Variants in CPSF2 observed in about 807,000 individuals in gnomAD.
CPSF2 encodes the protein cleavage and polyadenylation specific factor 2, also known as cleavage and polyadenylation specificity factor subunit 2.
A neutral mutation model predicts 84.2 loss-of-function variants in CPSF2; 51 were observed. The ratio of observed to expected loss-of-function variants is 0.61; its 90% CI spans 0.48 to 0.77. CPSF2 has a LOEUF of 0.77. Ranked by LOEUF, CPSF2 falls within the 30% of genes least tolerant of loss-of-function variation. The pLI is 0.00. For missense variants in CPSF2, 641 were observed against 929.4 expected (o/e 0.69, Z 4.03); for synonymous variants, 286 against 311.9 (o/e 0.92, Z 0.87).
intron 15 of CPSF2, 39 bp downstream of exon 15, chr14:92,161,285 C>A (rs755425050): frequency 1.3e-6 from 2 of 1,546,260 alleles, no homozygotes; most frequent in African/African-American, 1.4e-5. Context: ...TGAACACATA[C>A]GTCTGATGTT....
At chr14:92,133,272 A>C (rs2068957160) in intron 3 of CPSF2, among the ~76,000 whole-genome samples, 1 of 151,242 alleles carries the variant, frequency 6.6e-6, no homozygotes, top group African/African-American at 2.4e-5. Flanking sequence ...ATACAAAATA[A>C]GCTGGGAGTG....
intron 6 of CPSF2, among the ~76,000 whole-genome samples, chr14:92,137,311 G>A (rs1311400631): frequency 1.3e-5 from 2 of 152,116 alleles, no homozygotes; most frequent in Non-Finnish European, 2.9e-5. Context: ...CCAGCTTCAA[G>A]CAATCTTCCC....
In CPSF2 at chr14:92,142,965, T is replaced by C. The variant is rs771510862; in HGVS notation, c.850-39T>C. ...TAGAGAATATATTGAAGTTATAATA[T>C]AGTATTTCTAATTCTTGTCATCTTT... On this transcript the variant is annotated intron_variant, in intron 8 of 15. Coordinates refer to ENST00000298875, the MANE Select transcript of CPSF2 (RefSeq NM_017437.3). 7 of 1,479,392 alleles carry C rather than the reference T, an allele frequency of 4.7e-6. No individual in the cohort carries two copies. In the Admixed American group the frequency reaches 5.8e-5, roughly 12 times the overall value. 91.6% of individuals were successfully genotyped at this position (1,479,392 alleles called of 1,614,324 possible).
intron 3 of CPSF2, among the ~76,000 whole-genome samples, chr14:92,132,551 C>A (rs1251153786): frequency 6.6e-6 from 1 of 151,762 alleles, no homozygotes; most frequent in African/African-American, 2.4e-5. Flanking sequence ...GCGGGCAGAT[C>A]ACTTGAGGTC....
chr14:92,131,568 G>A (rs1488522632), intron 3 of CPSF2, among the ~76,000 whole-genome samples: 1 of 152,176 alleles, frequency 6.6e-6, no homozygotes, highest in African/African-American at 2.4e-5. Context: ...GCTGGGCACA[G>A]TGGCTCACGC....
intron 7 of CPSF2, among the ~76,000 whole-genome samples, chr14:92,141,157 CTG>C (rs764367937): frequency 6.6e-6 from 1 of 151,742 alleles, no homozygotes; most frequent in African/African-American, 2.4e-5. Context: ...ATTCAACTAA[CTG>C]TGGATTGAAA....
At position 92,162,974 on chromosome 14, in the gene CPSF2, G is replaced by T. The variant is rs2069394923; in HGVS notation, c.*1230G>T. ...GCTGGAGTGCAGTGGTGAGATTTTGGCTCACTATAACCTCTTCCTCCAGGG... is the reference window on the plus strand; with the variant it reads ...GCTGGAGTGCAGTGGTGAGATTTTGTCTCACTATAACCTCTTCCTCCAGGG... On this transcript the variant is annotated 3_prime_UTR_variant, in exon 16 of 16. Coordinates refer to ENST00000298875, the MANE Select transcript of CPSF2 (RefSeq NM_017437.3). The T allele has an allele frequency of 6.6e-6, 1 of 152,046 alleles. No homozygotes were observed. The highest frequency in any genetic ancestry group is 1.9e-4 in the East Asian group (1 of 5,176). 9.4% of individuals were successfully genotyped at this position (152,046 alleles called of 1,614,324 possible).
intron 6 of CPSF2, among the ~76,000 whole-genome samples, chr14:92,137,504 A>T: frequency 6.6e-6 from 1 of 152,182 alleles, no homozygotes; most frequent in East Asian, 1.9e-4. Flanking sequence ...CCACTGCACT[A>T]GTCCAAAATT....
At chr14:92,133,621 G>A (rs982963400) in intron 3 of CPSF2, among the ~76,000 whole-genome samples, 1 of 142,248 alleles carries the variant, frequency 7.0e-6, no homozygotes, top group Non-Finnish European at 1.5e-5. Context: ...ACCACCCCTG[G>A]CTTTTTTTTT....
intron 1 of CPSF2, among the ~76,000 whole-genome samples, chr14:92,125,462 A>G (rs1366384233): frequency 2.0e-5 from 3 of 152,176 alleles, no homozygotes; most frequent in Non-Finnish European, 4.4e-5. Context: ...GGGGTGGTCC[A>G]CTAAATACTT....
rs772740568 is a variant in CPSF2 at position 92,142,258 on chromosome 14, G to T, written c.756G>T (p.Gln252His). The T allele has an allele frequency of 1.2e-6, 2 of 1,614,108 alleles. No individual in the cohort carries two copies. The highest frequency in any genetic ancestry group is 1.1e-5 in the South Asian group (1 of 91,090). Residue 252 changes from glutamine (Q) to histidine (H), a missense_variant, in exon 8 of 16, where the codon CAG (glutamine) becomes CAT (histidine). Gln to His is a conservative substitution (Grantham distance 24, BLOSUM62 0). Around this residue, in one of 2 missense-constraint regions of CPSF2, gnomAD observed 211 missense variants for 375.7 expected, o/e 0.56. Coordinates refer to ENST00000298875, the MANE Select transcript of CPSF2 (RefSeq NM_017437.3). Reference protein sequence around the residue: ...RVLELAQLLDQIWRTKDAGLG... With the variant: ...RVLELAQLLDHIWRTKDAGLG... Reference sequence around the variant, plus strand: ...TGGAACTTGCTCAACTTCTTGATCAGATTTGGAGGACTAAAGATGCAGGAT... The same window carrying T: ...TGGAACTTGCTCAACTTCTTGATCATATTTGGAGGACTAAAGATGCAGGAT...
chr14:92,161,581 A>G (rs914945408), intron 15 of CPSF2, 71 bp from the exon 16 acceptor site: 1 of 1,033,428 alleles, frequency 9.7e-7, no homozygotes, highest in Non-Finnish European at 1.4e-6. Context: ...TATTTCATAT[A>G]TTTCGGTTAT....
At chr14:92,146,416 G>A (rs1428219156) in intron 9 of CPSF2, among the ~76,000 whole-genome samples, 2 of 152,192 alleles carry the variant, frequency 1.3e-5, no homozygotes, top group Non-Finnish European at 2.9e-5. Flanking sequence ...AGCTACTCGG[G>A]AGGCTGAGGC....
intron 3 of CPSF2, among the ~76,000 whole-genome samples, chr14:92,131,383 T>C (rs2068926345): frequency 6.6e-6 from 1 of 152,230 alleles, no homozygotes; most frequent in Admixed American, 6.5e-5. Context: ...GCATGCTAAT[T>C]TTTGGAAAGA....
chr14:92,161,522 T>C (rs2069371781), intron 15 of CPSF2, 130 bp from the exon 16 acceptor site: 1 of 621,212 alleles, frequency 1.6e-6, no homozygotes, highest in South Asian at 2.7e-5. Context: ...ATTATATCCA[T>C]ATGCTGTGAA....
At position 92,157,367 on chromosome 14, in the gene CPSF2, C is replaced by A. The variant is rs866306956; in HGVS notation, c.1596-292C>A. ...TACTGAAAATGCAAAATTATCCCTG[C>A]GTGGTGGTGCATGCCTATAATCCCA... On this transcript the variant is annotated intron_variant, in intron 12 of 15. Coordinates refer to ENST00000298875, the MANE Select transcript of CPSF2 (RefSeq NM_017437.3). The surrounding 1 kb of genome is among the most constrained non-coding windows in gnomAD (Gnocchi z 4.0). Among the ~76,000 whole-genome samples the A allele has an allele frequency of 6.6e-6, 1 of 151,980 alleles. No individual in the cohort carries two copies. Among genetic ancestry groups the A allele is most frequent in the Non-Finnish European group, 1.5e-5 (1 of 67,976 alleles).
chr14:92,146,461 C>T (rs2069145500), intron 9 of CPSF2, among the ~76,000 whole-genome samples: 1 of 152,142 alleles, frequency 6.6e-6, no homozygotes, highest in African/African-American at 2.4e-5. Context: ...GTGGAGATTG[C>T]AGTGAGCCAG....
At position 92,135,466 on chromosome 14, in the gene CPSF2, A is replaced by G; in HGVS notation, c.515A>G (p.Tyr172Cys). 1 of 1,613,756 alleles carries G rather than the reference A, an allele frequency of 6.2e-7. No homozygotes were observed. The highest frequency in any genetic ancestry group is 8.5e-7 in the Non-Finnish European group (1 of 1,179,808). ...IVKDGEEEIV[Y>C]AVDFNHKREI... is the part of the protein sequence containing the mutation. ...AAAGATGGAGAAGAAGAAATTGTTT[A>G]TGCAGTTGACTTCAACCACAAGAGG... Residue 172 changes from tyrosine (Y) to cysteine (C), a missense_variant, in exon 6 of 16, where the codon TAT (tyrosine) becomes TGT (cysteine). Tyr to Cys is a radical substitution (Grantham distance 194). Around this residue, in one of 2 missense-constraint regions of CPSF2, gnomAD observed 211 missense variants for 375.7 expected, o/e 0.56. Coordinates refer to ENST00000298875, the MANE Select transcript of CPSF2 (RefSeq NM_017437.3).
chr14:92,142,354 T>C lies in CPSF2; in HGVS notation c.849+3T>C, dbSNP rs752880423. 2 of 1,606,490 alleles carry C rather than the reference T, an allele frequency of 1.2e-6. No homozygotes were observed. Among genetic ancestry groups the C allele is most frequent in the Non-Finnish European group, 1.7e-6 (2 of 1,175,180 alleles). On this transcript the variant is annotated splice_donor_region_variant and intron_variant, in intron 8 of 15. Transcript: ENST00000298875. The stretch of plus-strand genomic sequence containing the variant: ...TGGTGGAGTTTTCTAAGTCCCAGGT[T>C]TGTTCTCATGTTGTCACTTGTAATA...
Sources: allele counts gnomAD v4.1 joint callset (sites outside exome capture counted in the v4.1 genomes callset), GRCh38; gene constraint gnomAD v4.1.1; regional missense constraint gnomAD v4.1.1; non-coding constraint Gnocchi (gnomAD v3.1); transcripts MANE v1.5; gene names NCBI Gene and HGNC (gene_info 2026-07-23, HGNC 2026-07-21).